MTUS2: variants seen among roughly 807,000 people sequenced by gnomAD.
The protein encoded by MTUS2 is microtubule associated scaffold protein 2.
MTUS2 carries 40 observed loss-of-function variants against 114.1 expected under a neutral mutation model. That is an observed-to-expected ratio of 0.35 (90% CI 0.27 to 0.46). The LOEUF is 0.46. MTUS2 is among the 20% of genes least tolerant of loss of function. The pLI, the probability that MTUS2 is intolerant of heterozygous loss-of-function variation, is 1.00. For missense variants in MTUS2, 1,679 were observed against 1,705.4 expected, an observed-to-expected ratio of 0.98 and a Z score of 0.27; for synonymous variants, 688 against 672.0, an observed-to-expected ratio of 1.02 and a Z score of -0.37.
intron 4 of MTUS2, among the ~76,000 whole-genome samples, chr13:29,034,340 T>G (rs2138523024): frequency 6.6e-6 from 1 of 152,344 alleles, no homozygotes; most frequent in South Asian, 2.1e-4. Flanking sequence ...CCCTTGTTAC[T>G]ACCATCCAGC....
chr13:29,457,033 T>A (rs1879160904), intron 9 of MTUS2, among the ~76,000 whole-genome samples: 1 of 150,888 alleles, frequency 6.6e-6, no homozygotes, highest in Non-Finnish European at 1.5e-5. Flanking sequence ...TAGTCCCAGC[T>A]ACTCGGGAGG....
chr13:29,221,740 T>C (rs1895916642), intron 5 of MTUS2, among the ~76,000 whole-genome samples: 1 of 152,104 alleles, frequency 6.6e-6, no homozygotes, highest in African/African-American at 2.4e-5. Context: ...CTTTAGAAAT[T>C]CTTAAAGTTT....
At chr13:29,060,592 G>A (rs779103129) in intron 4 of MTUS2, among the ~76,000 whole-genome samples, 8 of 130,640 alleles carry the variant, frequency 6.1e-5, no homozygotes, top group South Asian at 2.5e-4. Flanking sequence ...ATCACTTTTC[G>A]GTCTTTTACT....
intron 3 of MTUS2, among the ~76,000 whole-genome samples, chr13:29,031,011 T>G (rs1733457291): frequency 6.6e-6 from 1 of 152,182 alleles, no homozygotes; most frequent in African/African-American, 2.4e-5. Flanking sequence ...CTGGCTCTCC[T>G]GAGGTCTCAG....
chr13:29,481,701 G>A (rs1211166507), intron 10 of MTUS2, among the ~76,000 whole-genome samples: 1 of 151,672 alleles, frequency 6.6e-6, no homozygotes, highest in Non-Finnish European at 1.5e-5. Flanking sequence ...AAATTTCAGA[G>A]TAATACTAAT....
At chr13:29,388,554 C>T (rs892377746) in intron 8 of MTUS2, among the ~76,000 whole-genome samples, 16 of 151,518 alleles carry the variant, frequency 1.1e-4, no homozygotes, top group Non-Finnish European at 1.6e-4. Context: ...TGGCTCCCAA[C>T]TTAACAAACA....
chr13:29,026,533 A>G lies in MTUS2; in HGVS notation c.1835A>G (p.Gln612Arg), dbSNP rs1468897181. The change falls in exon 3 of 16, where the codon CAG (glutamine) becomes CGG (arginine). Residue 612 changes from glutamine to arginine, a missense_variant. Gln to Arg is a conservative substitution (Grantham distance 43). Around this residue, in one of 3 missense-constraint regions of MTUS2, gnomAD observed 843 missense variants for 770.8 expected, o/e 1.09. Coordinates refer to ENST00000612955, the MANE Select transcript of MTUS2 (RefSeq NM_001033602.4). ...FTHSKDTPSS[Q>R]EGMENYQVEK... ...CATTCCAAGGACACACCTTCCTCGC[A>G]GGAGGGAATGGAGAACTATCAGGTT... is the stretch of plus-strand genomic sequence containing the variant. The G allele has an allele frequency of 6.2e-7, 1 of 1,613,962 alleles. No individual in the cohort carries two copies. The highest frequency in any genetic ancestry group is 1.7e-5 in the Admixed American group (1 of 60,006).
intron 5 of MTUS2, among the ~76,000 whole-genome samples, chr13:29,159,077 G>A (rs866812491): frequency 1.3e-5 from 2 of 152,160 alleles, no homozygotes; most frequent in East Asian, 1.9e-4. Context: ...GAAAGTTACC[G>A]TGGAGAATGT....
At chr13:28,985,695 G>T (rs1471675987) in intron 2 of MTUS2, among the ~76,000 whole-genome samples, 5 of 152,052 alleles carry the variant, frequency 3.3e-5, no homozygotes, top group Admixed American at 2.6e-4. Flanking sequence ...GCCCGGATAT[G>T]TGGTCAAAGA....
At chr13:28,835,461 A>G (rs1875013555) in intron 1 of MTUS2, among the ~76,000 whole-genome samples, 1 of 152,200 alleles carries the variant, frequency 6.6e-6, no homozygotes, top group Non-Finnish European at 1.5e-5. Flanking sequence ...GGCAAATTCA[A>G]GTGACAGAAT....
At chr13:29,332,745 C>T (rs1900851146) in intron 7 of MTUS2, among the ~76,000 whole-genome samples, 2 of 151,190 alleles carry the variant, frequency 1.3e-5, no homozygotes, top group Admixed American at 6.6e-5. Flanking sequence ...TGCCATTCTC[C>T]TGCCTCAGCC....
intron 2 of MTUS2, among the ~76,000 whole-genome samples, chr13:28,855,452 G>C (rs765519228): frequency 6.6e-6 from 1 of 152,008 alleles, no homozygotes; most frequent in Non-Finnish European, 1.5e-5. Flanking sequence ...AGGCCCCAGC[G>C]TGTGTCGTTC....
chr13:28,992,641 A>C (rs1050697533), intron 2 of MTUS2, among the ~76,000 whole-genome samples: 1 of 152,130 alleles, frequency 6.6e-6, no homozygotes, highest in African/African-American at 2.4e-5. Context: ...ATGCCTGACC[A>C]TTTCTAAGAC....
intron 2 of MTUS2, among the ~76,000 whole-genome samples, chr13:28,998,507 G>A (rs1465023445): frequency 6.6e-6 from 1 of 152,124 alleles, no homozygotes; most frequent in Admixed American, 6.5e-5. Context: ...GTTCCATTCT[G>A]CCCGTCACTT....
At position 29,477,128 on chromosome 13, in the gene MTUS2, C is replaced by A. The variant is rs548758961; in HGVS notation, c.3185-3022C>A. Among the ~76,000 whole-genome samples the A allele has an allele frequency of 2.3e-3, 356 of 152,316 alleles. 2 individuals are homozygous for A. Among genetic ancestry groups the A allele is most frequent in the African/African-American group, 8.3e-3 (345 of 41,568 alleles). On this transcript the variant is annotated intron_variant, in intron 9 of 15. Coordinates refer to ENST00000612955, the MANE Select transcript of MTUS2 (RefSeq NM_001033602.4). ...TTCCCTGGGCTGCCCTAGTGAGCAG[C>A]AGGAGCCTGTGTTTTTGTCTGTAGG...
chr13:28,912,979 C>T (rs1259100141), intron 2 of MTUS2, among the ~76,000 whole-genome samples: 1 of 152,152 alleles, frequency 6.6e-6, no homozygotes, highest in Non-Finnish European at 1.5e-5. Context: ...TGAGACTTTG[C>T]TGAAGTTGCT....
intron 5 of MTUS2, among the ~76,000 whole-genome samples, chr13:29,277,839 G>A (rs1898123268): frequency 6.6e-6 from 1 of 152,150 alleles, no homozygotes; most frequent in African/African-American, 2.4e-5. Context: ...ATCTAGAGTA[G>A]GGCAAAAGCT....
chr13:28,915,592 T>A (rs147836610), intron 2 of MTUS2, among the ~76,000 whole-genome samples: 6 of 151,994 alleles, frequency 3.9e-5, no homozygotes, highest in African/African-American at 1.4e-4. Context: ...TGTTTGTAAG[T>A]CTTCTTTTGA....
chr13:29,013,931 C>G (rs989271403), intron 2 of MTUS2, among the ~76,000 whole-genome samples: 5 of 152,358 alleles, frequency 3.3e-5, no homozygotes. Flanking sequence ...TATATCCTGT[C>G]TAGCTTTTAT....
Sources: allele counts gnomAD v4.1 joint callset (sites outside exome capture counted in the v4.1 genomes callset), GRCh38; gene constraint gnomAD v4.1.1; regional missense constraint gnomAD v4.1.1; transcripts MANE v1.5; gene names NCBI Gene and HGNC (gene_info 2026-07-23, HGNC 2026-07-21).